The following DNAH1 variants were observed in gnomAD, a reference collection of about 807,000 sequenced individuals.
DNAH1 encodes dynein axonemal heavy chain 1.
A neutral mutation model predicts 484.3 loss-of-function variants in DNAH1; 327 were observed. The ratio of observed to expected loss-of-function variants is 0.68; its 90% confidence interval spans 0.62 to 0.74. The LOEUF (loss-of-function observed/expected upper bound fraction) is 0.74. Ranked by LOEUF, DNAH1 falls within the 30% of genes least tolerant of loss-of-function variation. The pLI is 0.00. For missense variants in DNAH1, 5,052 were observed against 5,546.8 expected, an observed-to-expected ratio of 0.91 and a Z score of 2.83; for synonymous variants, 2,192 against 2,191.9, an observed-to-expected ratio of 1.00 and a Z score of 0.00.
At chr3:52,313,890 A>G (rs1256758230), upstream of DNAH1, among the ~76,000 whole-genome samples, 1 of 152,134 alleles carries the variant, frequency 6.6e-6, no homozygotes, top group Non-Finnish European at 1.5e-5. Context: ...TGTGCAGAAG[A>G]AAAACTGAGG....
At chr3:52,365,146 C>A in intron 34 of DNAH1, 127 bp downstream of exon 34, 1 of 1,307,470 alleles carries the variant, frequency 7.6e-7, no homozygotes, top group Non-Finnish European at 1.0e-6. Context: ...GTGCTGCAGG[C>A]CCGGGCTCTC....
rs1336415323 is a variant in DNAH1, at chr3:52,397,881, G to T, written c.11958+4G>T. The T allele has an allele frequency of 6.3e-7, 1 of 1,596,370 alleles. No individual in the cohort carries two copies. The highest frequency in any genetic ancestry group is 1.7e-5 in the Admixed American group (1 of 58,898). ...AGGCAGCCAGGGCCGGGAGGAGGTG[G>T]GTGGTGTCAGAGTAAGGGGCCCAAG... On this transcript the variant is annotated splice_donor_region_variant and intron_variant, in intron 74 of 77. Transcript: ENST00000420323.
rs1270529658 is a variant in DNAH1 at position 52,392,857 on chromosome 3, G to C, written c.10306G>C (p.Glu3436Gln). 2 of 1,602,754 alleles carry C rather than the reference G, an allele frequency of 1.2e-6. No homozygotes were observed. Among genetic ancestry groups the C allele is most frequent in the Admixed American group, 3.4e-5 (2 of 58,658 alleles). Residue 3436 changes from glutamate (E) to glutamine (Q), a missense_variant, in exon 65 of 78, where the codon GAG becomes CAG. Glu to Gln is a conservative substitution (Grantham distance 29). This residue lies in a region of DNAH1 where 2,929 missense variants were observed against 3,409.4 expected (regional missense o/e 0.86). Transcript: ENST00000420323. The part of the protein sequence containing the change: ...QAKVRIAEQT[E>Q]KDIDLTRMEY... ...CAAAGTCAGGATTGCAGAGCAGACG[G>C]AGAAGGACATCGACCTGACGCGCAT... is the stretch of plus-strand genomic sequence containing the variant.
Position 52,375,285 on chromosome 3 carries a change from G to C in DNAH1, c.7031G>C (p.Gly2344Ala), listed in dbSNP as rs368682985. 9 of 1,611,186 alleles carry C rather than the reference G, an allele frequency of 5.6e-6. No homozygotes were observed. The highest frequency in any genetic ancestry group is 1.7e-5 in the Admixed American group (1 of 59,688). Residue 2344 changes from glycine (G) to alanine (A), a missense_variant, in exon 45 of 78, where the codon GGC becomes GCC. Gly to Ala is a moderately conservative substitution (Grantham distance 60). Coordinates refer to ENST00000420323, the MANE Select transcript of DNAH1 (RefSeq NM_015512.5). ...LVDINFVCAM[G>A]PPGGGRNTVT... ...GACATCAACTTTGTCTGTGCCATGG[G>C]CCCCCCGGGTGGAGGCAGGAACACC...
At chr3:52,360,188 G>A in intron 27 of DNAH1, 109 bp downstream of exon 27, 2 of 1,541,176 alleles carry the variant, frequency 1.3e-6, no homozygotes, top group Non-Finnish European at 8.9e-7. Flanking sequence ...GAGGTTCTGG[G>A]ACAAGCTGGG....
chr3:52,395,439 C>T lies in DNAH1; in HGVS notation c.11100C>T (p.Leu3700=). The T allele has an allele frequency of 6.2e-7, 1 of 1,613,944 alleles. No homozygotes were observed. Among genetic ancestry groups the T allele is most frequent in the Non-Finnish European group, 8.5e-7 (1 of 1,179,900 alleles). Residue 3700 remains leucine (L), a synonymous_variant, in exon 69 of 78, where the codon CTC becomes CTT. Coordinates refer to ENST00000420323, the MANE Select transcript of DNAH1 (RefSeq NM_015512.5). The surrounding 1 kb of genome is among the most constrained non-coding windows in gnomAD (Gnocchi z 4.4). ...FAEEMKFSKK[L]SAISLGQGQG... ...AAGAAATGAAGTTCTCCAAAAAGCTCTCTGCCATCTCCCTGGGCCAGGGGC... is the reference window on the plus strand; with the variant it reads ...AAGAAATGAAGTTCTCCAAAAAGCTTTCTGCCATCTCCCTGGGCCAGGGGC...
Position 52,386,177 on chromosome 3 carries a change from C to A in DNAH1, c.8643C>A (p.Ala2881=). 6.2e-7 allele frequency: 1 copy of A among 1,613,298 alleles called. No homozygotes were observed. Among genetic ancestry groups the A allele is most frequent in the African/African-American group, 1.3e-5 (1 of 75,056 alleles). Residue 2881 remains alanine (A), a synonymous_variant, in exon 55 of 78, where the codon GCC becomes GCA. Transcript: ENST00000420323. ...MEQIKVDTAI[A]EETRNSVQTE... is the part of the protein sequence containing the mutation. ...ATCCCCAGGTGGATACGGCCATCGC[C>A]GAGGAGACCCGGAATTCAGTGCAGA...
Position 52,383,947 on chromosome 3 carries a change from G to A in DNAH1, c.8238G>A (p.Pro2746=), listed in dbSNP as rs761847671. The change falls in exon 52 of 78, where the codon CCG becomes CCA. Residue 2746 remains proline, a synonymous_variant. Coordinates refer to ENST00000420323, the MANE Select transcript of DNAH1 (RefSeq NM_015512.5). ...CCTIDWFNEW[P]AEALKSVATV... ...CCATCGACTGGTTTAACGAGTGGCC[G>A]GCAGAAGCCCTGAAGTCTGTGGCCA... 12 of 1,612,940 alleles carry A rather than the reference G, an allele frequency of 7.4e-6. No individual in the cohort carries two copies. In the Admixed American group the frequency reaches 1.0e-4, roughly 13 times the overall value.
At chr3:52,333,427 A>G (rs1416628054) in intron 8 of DNAH1, among the ~76,000 whole-genome samples, 1 of 133,382 alleles carries the variant, frequency 7.5e-6, no homozygotes, top group East Asian at 2.1e-4. Flanking sequence ...GACTCTTGTC[A>G]CCCAGGCTGG....
At chr3:52,357,163 T>G (rs1297031467) in intron 22 of DNAH1, among the ~76,000 whole-genome samples, 1 of 151,844 alleles carries the variant, frequency 6.6e-6, no homozygotes, top group African/African-American at 2.4e-5. Flanking sequence ...AGGGTAATCC[T>G]GTCTTAGCCT....
chr3:52,346,038 TGTGGATTGGGGTATGAGGGAGGTGGGG>T, intron 10 of DNAH1, among the ~76,000 whole-genome samples: 1 of 152,204 alleles, frequency 6.6e-6, no homozygotes, highest in East Asian at 1.9e-4. Context: ...CATGTTGACC[TGTGGATTGGGGTATGAGGGAGGTGGGG>T]GTGCACCCCC....
Position 52,381,646 on chromosome 3 carries a change from C to G in DNAH1, c.7615C>G (p.Gln2539Glu). The G allele has an allele frequency of 6.2e-7, 1 of 1,603,402 alleles. No individual in the cohort carries two copies. Among genetic ancestry groups the G allele is most frequent in the Non-Finnish European group, 8.5e-7 (1 of 1,174,118 alleles). ...TCCTCGCCTTGGTGCACAGATGATG[C>G]AGGTGATAGAGGAGTACATAGAGGA... ...ELITSESKMMQVIEEYIEDYN... is the reference protein window; with the variant it reads ...ELITSESKMMEVIEEYIEDYN... The change falls in exon 49 of 78, where the codon CAG (glutamine) becomes GAG (glutamate). Residue 2539 changes from glutamine (Q) to glutamate (E), a missense_variant. By Grantham distance (29) the Gln-to-Glu change is conservative (BLOSUM62 2). This residue lies in a region of DNAH1 where 2,929 missense variants were observed against 3,409.4 expected (regional missense o/e 0.86). Coordinates refer to ENST00000420323, the MANE Select transcript of DNAH1 (RefSeq NM_015512.5). The surrounding 1 kb of genome is among the most constrained non-coding windows in gnomAD (Gnocchi z 4.1).
Position 52,351,984 on chromosome 3 carries a change from T to G in DNAH1, c.2752T>G (p.Ser918Ala). Residue 918 changes from serine to alanine, a missense_variant, in exon 17 of 78, where the codon TCT becomes GCT. Physicochemically the swap from Ser to Ala is moderately conservative, Grantham distance 99. Coordinates refer to ENST00000420323, the MANE Select transcript of DNAH1 (RefSeq NM_015512.5). ...CAGATGGATTGCCAGCAACTGGCCTTCTAAGATCCTTGGGCAGATAGAGCT... is the reference window on the plus strand; with the variant it reads ...CAGATGGATTGCCAGCAACTGGCCTGCTAAGATCCTTGGGCAGATAGAGCT... ...NDKWIASNWP[S>A]KILGQIELVQ... is the part of the protein sequence containing the mutation. 6.2e-7 allele frequency: 1 copy of G among 1,602,544 alleles called. No homozygotes were observed. Among genetic ancestry groups the G allele is most frequent in the Non-Finnish European group, 8.5e-7 (1 of 1,174,846 alleles).
At chr3:52,371,144 A>C (rs1407343040) in intron 41 of DNAH1, among the ~76,000 whole-genome samples, 1 of 152,150 alleles carries the variant, frequency 6.6e-6, no homozygotes, top group Non-Finnish European at 1.5e-5. Flanking sequence ...CCTCAGTTCC[A>C]CTTAAAAGCC....
At position 52,357,519 on chromosome 3, in the gene DNAH1, G is replaced by A. The variant is rs554633173; in HGVS notation, c.3859-95G>A. 2.8e-5 allele frequency: 41 copies of A among 1,468,380 alleles called. No individual in the cohort carries two copies. The Admixed American group carries it at 9.5e-4, about 34-fold the overall frequency. The allele number at this position is 1,468,380 out of a possible 1,614,324, so 91.0% of individuals were successfully genotyped here. Reference sequence around the variant, plus strand: ...CATCTTCTTTCCCAGGCCCCGCTGAGGGGCTCTGGCTGGTGTGGGTGCTCT... The same window carrying A: ...CATCTTCTTTCCCAGGCCCCGCTGAAGGGCTCTGGCTGGTGTGGGTGCTCT... On this transcript the variant is annotated intron_variant, in intron 22 of 77. Coordinates refer to ENST00000420323, the MANE Select transcript of DNAH1 (RefSeq NM_015512.5).
Position 52,396,547 on chromosome 3 carries a change from C to T in DNAH1, c.11430+9C>T, listed in dbSNP as rs1559575452. The T allele has an allele frequency of 6.2e-7, 1 of 1,612,722 alleles. No homozygotes were observed. Among genetic ancestry groups the T allele is most frequent in the African/African-American group, 1.3e-5 (1 of 74,900 alleles). Reference sequence around the variant, plus strand: ...TCAACTCCTGCCACAAGGTGAGGCACACTTGGTGCAGGCCTACCCTACCTG... The same window carrying T: ...TCAACTCCTGCCACAAGGTGAGGCATACTTGGTGCAGGCCTACCCTACCTG... On this transcript the variant is annotated intron_variant, in intron 71 of 77. Coordinates refer to ENST00000420323, the MANE Select transcript of DNAH1 (RefSeq NM_015512.5).
In DNAH1 at chr3:52,347,695, C is replaced by T. The variant is rs1016721398; in HGVS notation, c.1956-129C>T. Reference sequence around the variant, plus strand: ...TCTGGTAACTTGGAGGTGTGTGGGACGAAGGAGAAGGCAAGTATTGTGCAT... The same window carrying T: ...TCTGGTAACTTGGAGGTGTGTGGGATGAAGGAGAAGGCAAGTATTGTGCAT... On this transcript the variant is annotated intron_variant, in intron 11 of 77. Coordinates refer to ENST00000420323, the MANE Select transcript of DNAH1 (RefSeq NM_015512.5). 261 of 1,153,842 alleles carry T rather than the reference C, an allele frequency of 2.3e-4. 1 individual carries two copies. Among genetic ancestry groups the T allele is most frequent in the Admixed American group, 2.2e-3 (68 of 30,470 alleles). 71.5% of individuals were successfully genotyped at this position (1,153,842 alleles called of 1,614,324 possible).
intron 20 of DNAH1, among the ~76,000 whole-genome samples, chr3:52,354,315 G>A (rs757145982): frequency 3.3e-5 from 5 of 152,312 alleles, no homozygotes; most frequent in East Asian, 3.9e-4. Flanking sequence ...CAACATGTGC[G>A]TACAACCACA....
At chr3:52,389,946 T>G (rs534423819) in intron 60 of DNAH1, among the ~76,000 whole-genome samples, 4 of 152,116 alleles carry the variant, frequency 2.6e-5, no homozygotes, top group Non-Finnish European at 5.9e-5. Flanking sequence ...ACCCCCTCTC[T>G]ACTAAAACTA....
Sources: allele counts gnomAD v4.1 joint callset (sites outside exome capture counted in the v4.1 genomes callset), GRCh38; gene constraint gnomAD v4.1.1; regional missense constraint gnomAD v4.1.1; non-coding constraint Gnocchi (gnomAD v3.1); transcripts MANE v1.5; gene names NCBI Gene and HGNC (gene_info 2026-07-23, HGNC 2026-07-21).